The following ATP10B variants were observed in gnomAD, a reference collection of about 807,000 sequenced individuals.
ATP10B encodes phospholipid-transporting ATPase VB.
Under a neutral mutation model 141.2 loss-of-function variants are expected in ATP10B, and 122 were observed. The ratio of observed to expected loss-of-function variants is 0.86; its 90% confidence interval spans 0.75 to 1.00. The LOEUF is 1.00. Among genes scored for constraint, ATP10B ranks in the 50% least tolerant of loss-of-function variants. The pLI is 0.00. For synonymous variants in ATP10B, 685 were observed against 692.0 expected, an observed-to-expected ratio of 0.99 and a Z score of 0.16; for missense variants, 1,876 against 1,825.3, an observed-to-expected ratio of 1.03 and a Z score of -0.51.
chr5:160,901,913 A>T, the ATP10B span, among the ~76,000 whole-genome samples: 1 of 152,200 alleles, frequency 6.6e-6, no homozygotes, highest in African/African-American at 2.4e-5. Flanking sequence ...CCTAGTGACC[A>T]CATGAGGTAG....
chr5:160,829,547 A>T (rs1350907220), intron 1 of ATP10B, among the ~76,000 whole-genome samples: 1 of 152,068 alleles, frequency 6.6e-6, no homozygotes, highest in African/African-American at 2.4e-5. Context: ...CTAAATTCCA[A>T]TAGGGAAGTA....
At chr5:160,587,321 G>T (rs4921152) in intron 24 of ATP10B, among the ~76,000 whole-genome samples, 119,391 of 151,986 alleles carry the variant, frequency 0.79, 47,007 homozygotes, top group East Asian at 0.85. Flanking sequence ...ATATGTCTGT[G>T]TTGGTTATTG....
Position 160,825,901 on chromosome 5 carries a change from G to T in ATP10B, c.-576+26040C>A, listed in dbSNP as rs114665240. Among the ~76,000 whole-genome samples the T allele has an allele frequency of 6.0e-3, 915 of 152,256 alleles. 13 individuals are homozygous for T. Among genetic ancestry groups the T allele is most frequent in the African/African-American group, 0.021 (871 of 41,544 alleles). On this transcript the variant is annotated intron_variant, in intron 1 of 25. Coordinates refer to ENST00000327245, the MANE Select transcript of ATP10B (RefSeq NM_025153.3). ...TTAGCTCCAATTTATAAGTGAGAAC[G>T]TGCAGTATTTGTTGTTTTGCTCCTG...
chr5:160,856,752 C>T (rs115751191), upstream of ATP10B, among the ~76,000 whole-genome samples: 899 of 151,800 alleles, frequency 5.9e-3, 12 homozygotes, highest in African/African-American at 0.021. Context: ...TATTTTTTAT[C>T]GTGAATGGAT....
chr5:160,774,504 T>C (rs982889071), intron 2 of ATP10B, among the ~76,000 whole-genome samples: 1 of 152,204 alleles, frequency 6.6e-6, no homozygotes, highest in Non-Finnish European at 1.5e-5. Context: ...GGAGACATCA[T>C]ATCTGCAAGC....
chr5:160,668,003 G>T (rs1368726719), intron 7 of ATP10B, among the ~76,000 whole-genome samples: 1 of 152,168 alleles, frequency 6.6e-6, no homozygotes, highest in Non-Finnish European at 1.5e-5. Context: ...GCCAAGGCAG[G>T]TGGATCACTT....
chr5:160,746,518 G>C (rs1581454305), intron 2 of ATP10B, among the ~76,000 whole-genome samples: 1 of 151,540 alleles, frequency 6.6e-6, no homozygotes, highest in Non-Finnish European at 1.5e-5. Context: ...CAGCCTCCCG[G>C]GTAGCTGGGA....
At chr5:160,847,138 T>C (rs896869379) in intron 1 of ATP10B, among the ~76,000 whole-genome samples, 2 of 152,198 alleles carry the variant, frequency 1.3e-5, no homozygotes, top group African/African-American at 4.8e-5. Context: ...TCTGCATGAT[T>C]GCAAGCACAT....
At chr5:160,588,706 C>T (rs1756075812) in intron 24 of ATP10B, among the ~76,000 whole-genome samples, 1 of 152,138 alleles carries the variant, frequency 6.6e-6, no homozygotes, top group Non-Finnish European at 1.5e-5. Context: ...AATATAAAAA[C>T]ACCTAACACA....
At chr5:160,792,536 A>C (rs1000687622) in intron 1 of ATP10B, among the ~76,000 whole-genome samples, 1 of 151,968 alleles carries the variant, frequency 6.6e-6, no homozygotes, top group East Asian at 1.9e-4. Context: ...TCTGCTTGCC[A>C]GGACTCTTTC....
chr5:160,836,534 A>G (rs1407086346), intron 1 of ATP10B, among the ~76,000 whole-genome samples: 2 of 151,772 alleles, frequency 1.3e-5, no homozygotes, highest in Non-Finnish European at 2.9e-5. Context: ...TCTTTCTAAA[A>G]CTCTAGTCTC....
At chr5:160,673,844 C>T (rs777579942) in intron 6 of ATP10B, among the ~76,000 whole-genome samples, 1 of 152,176 alleles carries the variant, frequency 6.6e-6, no homozygotes, top group Non-Finnish European at 1.5e-5. Context: ...TACTTACAGG[C>T]ATTGGAATGG....
chr5:160,844,546 C>T (rs1258268128), intron 1 of ATP10B, among the ~76,000 whole-genome samples: 3 of 151,056 alleles, frequency 2.0e-5, no homozygotes, highest in Non-Finnish European at 1.5e-5. Context: ...TTAATAAATA[C>T]TTTGTTTTTT....
the ATP10B span, among the ~76,000 whole-genome samples, chr5:160,866,669 T>C: frequency 6.6e-6 from 1 of 152,066 alleles, no homozygotes; most frequent in Non-Finnish European, 1.5e-5. Context: ...AGCAAAACCC[T>C]GTCTCAAAAA....
the ATP10B span, among the ~76,000 whole-genome samples, chr5:160,898,065 A>G: frequency 1.3e-5 from 2 of 152,120 alleles, no homozygotes; most frequent in Non-Finnish European, 2.9e-5. Flanking sequence ...GACTTAACAT[A>G]AGATCTAAAA....
the ATP10B span, among the ~76,000 whole-genome samples, chr5:160,864,178 G>A: frequency 2.0e-4 from 30 of 151,922 alleles, no homozygotes; most frequent in Non-Finnish European, 3.2e-4. Flanking sequence ...AAACATAGAC[G>A]CAAAAATCCT....
Position 160,654,579 on chromosome 5 carries a change from TC to T in ATP10B, c.676-5324del, listed in dbSNP as rs1156752684. 3.9e-5 allele frequency among the ~76,000 whole-genome samples: 6 copies of T among 152,216 alleles called. No homozygotes were observed. The East Asian group carries it at 1.2e-3, about 29-fold the overall frequency. ...ATGTGCCAGACACCTGTCATAAAGTTCTCACAAAAACCTTAAGAGGTTTGGA... is the reference window on the plus strand; with the variant it reads ...ATGTGCCAGACACCTGTCATAAAGTTTCACAAAAACCTTAAGAGGTTTGGA... On this transcript the variant is annotated intron_variant, in intron 7 of 25. Coordinates refer to ENST00000327245, the MANE Select transcript of ATP10B (RefSeq NM_025153.3).
chr5:160,650,153 T>C lies in ATP10B; in HGVS notation c.676-897A>G, dbSNP rs1201613872. 7.8e-4 allele frequency among the ~76,000 whole-genome samples: 113 copies of C among 145,002 alleles called. 1 individual carries two copies. The highest frequency in any genetic ancestry group is 3.1e-3 in the African/African-American group (112 of 35,724). On this transcript the variant is annotated intron_variant, in intron 7 of 25. Transcript: ENST00000327245. ...ATATATACACACACACACACATACA[T>C]ATATATACATATATATACATACATA...
chr5:160,578,198 A>G (rs1755314851), intron 24 of ATP10B, among the ~76,000 whole-genome samples: 1 of 152,074 alleles, frequency 6.6e-6, no homozygotes, highest in Non-Finnish European at 1.5e-5. Context: ...TAAAATTAAA[A>G]TGCATTTTTT....
Sources: allele counts gnomAD v4.1 joint callset (sites outside exome capture counted in the v4.1 genomes callset), GRCh38; gene constraint gnomAD v4.1.1; transcripts MANE v1.5; gene names NCBI Gene and HGNC (gene_info 2026-07-23, HGNC 2026-07-21).